NAALADL2: variants seen among roughly 807,000 people sequenced by gnomAD.
NAALADL2 encodes N-acetylated alpha-linked acidic dipeptidase like 2.
NAALADL2 carries 76 observed loss-of-function variants against 87.2 expected under a neutral mutation model. The ratio of observed to expected loss-of-function variants is 0.87; its 90% CI spans 0.72 to 1.05. NAALADL2 has a LOEUF of 1.05. Among genes scored for constraint, NAALADL2 ranks in the 50% least tolerant of loss-of-function variants. NAALADL2 has a pLI of 0.00. For synonymous variants in NAALADL2, 354 were observed against 331.0 expected (o/e 1.07, Z -0.75); for missense variants, 1,089 against 945.8 (o/e 1.15, Z -1.99).
chr3:174,733,371 G>A (rs1383070633), intron 2 of NAALADL2, among the ~76,000 whole-genome samples: 1 of 152,172 alleles, frequency 6.6e-6, no homozygotes, highest in Non-Finnish European at 1.5e-5. Flanking sequence ...GAAAAGCAAG[G>A]ATCAGTCAAA....
chr3:174,738,789 T>C (rs73884705), intron 3 of NAALADL2, among the ~76,000 whole-genome samples: 13,937 of 152,240 alleles, frequency 0.092, 697 homozygotes, highest in Middle Eastern at 0.14. Flanking sequence ...TAATTAAAAC[T>C]AAATAAGTAA....
At chr3:174,774,722 ATACT>A (rs1165725151) in intron 3 of NAALADL2, among the ~76,000 whole-genome samples, 1 of 152,224 alleles carries the variant, frequency 6.6e-6, no homozygotes, top group Non-Finnish European at 1.5e-5. Context: ...TTGCAGGTAC[ATACT>A]TACATACACA....
intron 1 of NAALADL2, among the ~76,000 whole-genome samples, chr3:174,986,252 A>G (rs149133581): frequency 9.0e-4 from 131 of 144,792 alleles, no homozygotes; most frequent in African/African-American, 3.3e-3. Flanking sequence ...TATATATTCA[A>G]TATATATACA....
At chr3:175,577,509 A>G (rs1199222859) in intron 10 of NAALADL2, among the ~76,000 whole-genome samples, 2 of 152,140 alleles carry the variant, frequency 1.3e-5, no homozygotes, top group African/African-American at 4.8e-5. Context: ...TGAGGTGTTA[A>G]TAGGGAGAAG....
chr3:175,500,904 T>A (rs188807407), intron 9 of NAALADL2, among the ~76,000 whole-genome samples: 5 of 152,178 alleles, frequency 3.3e-5, no homozygotes, highest in Admixed American at 1.3e-4. Flanking sequence ...AGATAGACAG[T>A]GAGTGGCTTT....
intron 11 of NAALADL2, among the ~76,000 whole-genome samples, chr3:175,730,937 A>G (rs1324777347): frequency 5.9e-5 from 9 of 152,174 alleles, no homozygotes; most frequent in South Asian, 2.1e-4. Context: ...TGCAAATATC[A>G]TAGATGTTCA....
chr3:175,451,542 G>C (rs955329070), intron 6 of NAALADL2, among the ~76,000 whole-genome samples: 1 of 152,070 alleles, frequency 6.6e-6, no homozygotes, highest in Admixed American at 6.6e-5. Context: ...ATATCAATCT[G>C]AGCTTGTGGT....
intron 1 of NAALADL2, among the ~76,000 whole-genome samples, chr3:175,071,115 T>G (rs1017116688): frequency 6.6e-6 from 1 of 152,070 alleles, no homozygotes; most frequent in Admixed American, 6.6e-5. Context: ...TGCCAGTTAG[T>G]GCACTGCAGG....
chr3:174,647,457 C>T lies in NAALADL2; in HGVS notation c.-114-90184C>T, dbSNP rs183956546. Among the ~76,000 whole-genome samples the T allele has an allele frequency of 1.1e-4, 17 of 152,302 alleles. No homozygotes were observed. The East Asian group carries it at 2.7e-3, about 24-fold the overall frequency. On this transcript the variant is annotated intron_variant, in intron 2 of 3. Coordinates refer to the NAALADL2 transcript ENST00000434257. The stretch of plus-strand genomic sequence containing the variant: ...AGGGAGCAACAGGATTTTGAAGTAA[C>T]TTGGTTTGAGCTACTTTGGGCATAG...
chr3:174,560,297 G>A (rs930354011), intron 2 of NAALADL2, among the ~76,000 whole-genome samples: 3 of 152,146 alleles, frequency 2.0e-5, no homozygotes, highest in Admixed American at 1.3e-4. Context: ...GGACTGCATA[G>A]CCTTAATGAC....
chr3:174,838,037 G>GAAAAAAAAAAAAAAAA (rs1158682043), intron 3 of NAALADL2, among the ~76,000 whole-genome samples: 2 of 117,346 alleles, frequency 1.7e-5, no homozygotes, highest in African/African-American at 6.3e-5. Flanking sequence ...AAAAAAAAAA[G>GAAAAAAAAAAAAAAAA]AAAAAAAAAA....
At chr3:175,493,046 CAT>C (rs533638513) in intron 9 of NAALADL2, among the ~76,000 whole-genome samples, 16 of 151,996 alleles carry the variant, frequency 1.1e-4, no homozygotes, top group South Asian at 8.3e-4. Flanking sequence ...CTTATGTACA[CAT>C]ATCTTTCTGT....
chr3:175,072,620 A>T (rs1036189621), intron 1 of NAALADL2, among the ~76,000 whole-genome samples: 2 of 142,738 alleles, frequency 1.4e-5, no homozygotes, highest in South Asian at 4.4e-4. Context: ...TACATGTATC[A>T]TTAGGAGATG....
chr3:175,536,006 T>C (rs1017681476), intron 9 of NAALADL2, among the ~76,000 whole-genome samples: 5 of 152,176 alleles, frequency 3.3e-5, no homozygotes, highest in Admixed American at 3.3e-4. Context: ...AGTGTGATAT[T>C]GTATCCCAGA....
At chr3:175,762,804 G>A (rs1382785221) in intron 13 of NAALADL2, among the ~76,000 whole-genome samples, 1 of 152,128 alleles carries the variant, frequency 6.6e-6, no homozygotes, top group Admixed American at 6.5e-5. Context: ...AGTAAATAAG[G>A]GCCAGGCGCA....
At chr3:174,918,296 T>C (rs1734681957) in intron 1 of NAALADL2, among the ~76,000 whole-genome samples, 1 of 152,122 alleles carries the variant, frequency 6.6e-6, no homozygotes, top group South Asian at 2.1e-4. Flanking sequence ...AAAAAATATA[T>C]TTTGGAGTCA....
intron 9 of NAALADL2, among the ~76,000 whole-genome samples, chr3:175,481,032 A>T (rs1726377937): frequency 6.6e-6 from 1 of 151,844 alleles, no homozygotes; most frequent in Admixed American, 6.6e-5. Context: ...CATGCAGATT[A>T]TGTCGTTACC....
At chr3:175,775,648 G>A (rs998081098) in intron 13 of NAALADL2, among the ~76,000 whole-genome samples, 6 of 152,056 alleles carry the variant, frequency 3.9e-5, no homozygotes, top group African/African-American at 9.7e-5. Flanking sequence ...GCCAATTTGC[G>A]AAGTCTGTTC....
chr3:175,696,137 T>G (rs1366412119), intron 11 of NAALADL2, among the ~76,000 whole-genome samples: 1 of 152,146 alleles, frequency 6.6e-6, no homozygotes, highest in African/African-American at 2.4e-5. Flanking sequence ...AAAATTAATT[T>G]GACTTGTGTT....
Sources: allele counts gnomAD v4.1 joint callset (sites outside exome capture counted in the v4.1 genomes callset), GRCh38; gene constraint gnomAD v4.1.1; transcripts MANE v1.5; gene names NCBI Gene and HGNC (gene_info 2026-07-23, HGNC 2026-07-21).